Variants in NR6A1 observed in about 807,000 individuals in gnomAD.
NR6A1 encodes retinoic acid receptor-related testis-associated receptor.
A neutral mutation model predicts 59.1 loss-of-function variants in NR6A1; 7 were observed. The observed-to-expected ratio is 0.12, with a 90% CI of 0.07 to 0.22. The LOEUF (loss-of-function observed/expected upper bound fraction) is 0.22. Among genes scored for constraint, NR6A1 ranks in the 10% least tolerant of loss-of-function variants. The probability of loss-of-function intolerance (pLI) is 1.00; values close to 1 mark genes in which losing one functional copy is unlikely to be tolerated. For synonymous variants in NR6A1, 243 were observed against 236.1 expected, an observed-to-expected ratio of 1.03 and a Z score of -0.27; for missense variants, 468 against 611.6, an observed-to-expected ratio of 0.77 and a Z score of 2.48.
chr9:124,554,971 G>A (rs1295450807), intron 2 of NR6A1, among the ~76,000 whole-genome samples: 1 of 152,128 alleles, frequency 6.6e-6, no homozygotes, highest in Non-Finnish European at 1.5e-5. Context: ...AGCTGTAATT[G>A]AGTTCTAACC....
chr9:124,612,801 CTTTCT>C (rs1215283558), intron 2 of NR6A1, among the ~76,000 whole-genome samples: 4 of 144,896 alleles, frequency 2.8e-5, no homozygotes, highest in Admixed American at 2.8e-4. Context: ...TCTTTTCTTT[CTTTCT>C]TTCTTTCTTT....
chr9:124,598,446 T>A (rs2130815455), intron 2 of NR6A1, among the ~76,000 whole-genome samples: 1 of 151,940 alleles, frequency 6.6e-6, no homozygotes, highest in Non-Finnish European at 1.5e-5. Context: ...AAATCAACAT[T>A]TTCTACTTGC....
chr9:124,626,423 G>C (rs950429321), intron 2 of NR6A1, among the ~76,000 whole-genome samples: 8 of 152,188 alleles, frequency 5.3e-5, no homozygotes, highest in Non-Finnish European at 1.0e-4. Flanking sequence ...TTTCTCTGGA[G>C]AATAATGACT....
chr9:124,595,203 C>T (rs1835236093), intron 2 of NR6A1, among the ~76,000 whole-genome samples: 1 of 152,078 alleles, frequency 6.6e-6, no homozygotes, highest in Non-Finnish European at 1.5e-5. Context: ...AGAAAATGTA[C>T]CCATTTAAAA....
rs1832775944 is a variant in NR6A1, at chr9:124,520,386, C to T, written c.*2319G>A. 6.6e-6 allele frequency: 1 copy of T among 152,180 alleles called. No homozygotes were observed. The highest frequency in any genetic ancestry group is 2.4e-5 in the African/African-American group (1 of 41,446). The allele number at this position is 152,180 out of a possible 1,614,324, so 9.4% of individuals were successfully genotyped here. On this transcript the variant is annotated 3_prime_UTR_variant, in exon 10 of 10. Coordinates refer to ENST00000487099, the MANE Select transcript of NR6A1 (RefSeq NM_033334.4). Reference sequence around the variant, plus strand: ...GAATGGGCTCTTTGTTCTGTGGAATCTGCTGCAAACATTTGTAAAACTGGA... The same window carrying T: ...GAATGGGCTCTTTGTTCTGTGGAATTTGCTGCAAACATTTGTAAAACTGGA...
At chr9:124,627,882 CTT>C (rs59874800) in intron 2 of NR6A1, among the ~76,000 whole-genome samples, 5,410 of 83,546 alleles carry the variant, frequency 0.065, 315 homozygotes, top group East Asian at 0.18. Context: ...CTGAGATTTT[CTT>C]TTTTTTTTTT....
chr9:124,628,353 A>T (rs993479553), intron 2 of NR6A1, among the ~76,000 whole-genome samples: 10 of 151,756 alleles, frequency 6.6e-5, no homozygotes, highest in African/African-American at 1.9e-4. Flanking sequence ...AATAATTATT[A>T]ATTTTTTTTG....
chr9:124,676,430 G>A (rs1177447178), intron 2 of NR6A1, among the ~76,000 whole-genome samples: 3 of 151,626 alleles, frequency 2.0e-5, no homozygotes, highest in African/African-American at 7.3e-5. Context: ...AGACTTTCTT[G>A]CCTTTTATTT....
chr9:124,702,044 G>A (rs1588805139), intron 2 of NR6A1, among the ~76,000 whole-genome samples: 1 of 152,180 alleles, frequency 6.6e-6, no homozygotes, highest in East Asian at 1.9e-4. Flanking sequence ...TATTTAATTT[G>A]CAAATATATT....
intron 2 of NR6A1, among the ~76,000 whole-genome samples, chr9:124,707,271 C>T (rs73583701): frequency 0.12 from 17,548 of 152,038 alleles, 2,704 homozygotes; most frequent in African/African-American, 0.34. Flanking sequence ...CACCTCAAAC[C>T]GGCTGCTGAG....
chr9:124,719,943 T>A (rs530434598), intron 2 of NR6A1, among the ~76,000 whole-genome samples: 41 of 152,164 alleles, frequency 2.7e-4, no homozygotes, highest in African/African-American at 8.0e-4. Context: ...AGGCAGCCAC[T>A]ACTCTGTTCC....
intron 2 of NR6A1, among the ~76,000 whole-genome samples, chr9:124,651,821 G>GT (rs1382649088): frequency 3.3e-5 from 5 of 152,128 alleles, no homozygotes; most frequent in African/African-American, 1.2e-4. Flanking sequence ...CAGCCATAGA[G>GT]TAATAGTTTA....
intron 7 of NR6A1, among the ~76,000 whole-genome samples, chr9:124,532,377 G>A (rs191615453): frequency 4.9e-4 from 75 of 152,212 alleles, no homozygotes; most frequent in Non-Finnish European, 7.9e-4. Flanking sequence ...GTGAACAGAC[G>A]TACTCACTCC....
intron 2 of NR6A1, among the ~76,000 whole-genome samples, chr9:124,660,107 C>G (rs1013950330): frequency 1.3e-5 from 2 of 152,072 alleles, no homozygotes; most frequent in Non-Finnish European, 1.5e-5. Context: ...TGCATCTATG[C>G]TATAAAGATA....
chr9:124,745,390 G>A (rs1840296517), intron 1 of NR6A1, among the ~76,000 whole-genome samples: 1 of 152,104 alleles, frequency 6.6e-6, no homozygotes, highest in African/African-American at 2.4e-5. Flanking sequence ...AAAAAATCCT[G>A]GCAGGGCACA....
intron 2 of NR6A1, among the ~76,000 whole-genome samples, chr9:124,728,165 T>TACA: frequency 6.6e-6 from 1 of 151,590 alleles, no homozygotes; most frequent in Admixed American, 6.6e-5. Context: ...TATCTGGGAC[T>TACA]ACAGGTGCCT....
At chr9:124,731,287 T>C (rs1839877231) in intron 2 of NR6A1, among the ~76,000 whole-genome samples, 1 of 151,744 alleles carries the variant, frequency 6.6e-6, no homozygotes, top group Non-Finnish European at 1.5e-5. Flanking sequence ...GAAGAATCAC[T>C]TGAACCCGGG....
At chr9:124,754,227 G>T (rs1840581396) in intron 1 of NR6A1, among the ~76,000 whole-genome samples, 1 of 152,166 alleles carries the variant, frequency 6.6e-6, no homozygotes, top group South Asian at 2.1e-4. Flanking sequence ...ACCATTGTGA[G>T]TAATAGGCAC....
intron 2 of NR6A1, among the ~76,000 whole-genome samples, chr9:124,695,100 C>T (rs1005173829): frequency 1.3e-5 from 2 of 152,222 alleles, no homozygotes; most frequent in Admixed American, 6.5e-5. Flanking sequence ...CCCACCACCA[C>T]ATTTCATGTC....
Sources: gnomAD v4.1 joint callset for allele counts (sites outside exome capture counted in the v4.1 genomes callset) on GRCh38, gnomAD v4.1.1 for gene constraint, MANE v1.5 for transcripts, NCBI Gene and HGNC (gene_info 2026-07-23, HGNC 2026-07-21) for gene names.